FAM178B: variants seen among roughly 807,000 people sequenced by gnomAD.
The protein encoded by FAM178B is family with sequence similarity 178 member B.
In FAM178B, 82 loss-of-function variants were observed where a neutral mutation model predicts 91.7. The observed-to-expected ratio is 0.89, with a 90% CI of 0.75 to 1.07. The LOEUF (loss-of-function observed/expected upper bound fraction) is 1.07. Among genes scored for constraint, FAM178B ranks in the 50% least tolerant of loss-of-function variants. The pLI, the probability that FAM178B is intolerant of heterozygous loss-of-function variation, is 0.00. For missense variants in FAM178B, 769 were observed against 846.7 expected (o/e 0.91, Z 1.14); for synonymous variants, 368 against 359.4 (o/e 1.02, Z -0.27).
At chr2:96,976,111 TTGA>T (rs1159035025) in intron 1 of FAM178B, among the ~76,000 whole-genome samples, 1 of 151,914 alleles carries the variant, frequency 6.6e-6, no homozygotes, top group Non-Finnish European at 1.5e-5. Context: ...TTTTTTTTTT[TTGA>T]GAGAGAGTGT....
intron 14 of FAM178B, among the ~76,000 whole-genome samples, chr2:96,891,595 G>C (rs1359031443): frequency 6.6e-6 from 1 of 152,206 alleles, no homozygotes; most frequent in Non-Finnish European, 1.5e-5. Context: ...CTGGACAGGG[G>C]GCAAGCAAAG....
At chr2:96,943,582 A>C (rs1465599398) in intron 8 of FAM178B, among the ~76,000 whole-genome samples, 1 of 152,326 alleles carries the variant, frequency 6.6e-6, no homozygotes, top group East Asian at 1.9e-4. Flanking sequence ...TGAATCTTAC[A>C]TTTTAAAAGG....
At chr2:96,897,119 G>A (rs1368441070) in intron 13 of FAM178B, among the ~76,000 whole-genome samples, 3 of 152,102 alleles carry the variant, frequency 2.0e-5, no homozygotes, top group Non-Finnish European at 2.9e-5. Flanking sequence ...CACCCACCTT[G>A]GCCTCCCAAA....
rs149951378 is a variant in FAM178B, at chr2:96,951,703, G to A, written c.888-219C>T. 1,532 of 524,406 alleles carry A rather than the reference G, an allele frequency of 2.9e-3. 8 individuals carry two copies. Among genetic ancestry groups the A allele is most frequent in the East Asian group, 0.02 (573 of 29,224 alleles). 32.5% of individuals were successfully genotyped at this position (524,406 alleles called of 1,614,324 possible). A position where few individuals can be genotyped will look rare whatever the true frequency, so the allele number is the denominator to read the frequency against. On this transcript the variant is annotated intron_variant, in intron 6 of 16. Coordinates refer to ENST00000490605, the MANE Select transcript of FAM178B (RefSeq NM_001122646.3). ...ATCACCTGCTCTTCTTGAATGTTGC[G>A]TGAACACACCTCATGGTGTTTAAAA...
At chr2:96,895,656 G>T (rs976593158) in intron 13 of FAM178B, among the ~76,000 whole-genome samples, 1 of 152,226 alleles carries the variant, frequency 6.6e-6, no homozygotes, top group African/African-American at 2.4e-5. Flanking sequence ...CAGCAGCCCT[G>T]GGGGCAGGGC....
At chr2:96,902,514 T>C (rs1414980531) in intron 13 of FAM178B, 106 bp downstream of exon 13, 8 of 769,472 alleles carry the variant, frequency 1.0e-5, no homozygotes, top group Non-Finnish European at 1.6e-5. Flanking sequence ...GAGTAGAGAG[T>C]TCAGAGCCAG....
At chr2:96,938,890 G>C (rs2081677084) in intron 8 of FAM178B, 1 of 152,386 alleles carries the variant, frequency 6.6e-6, no homozygotes, top group Non-Finnish European at 1.5e-5. Flanking sequence ...GTCCATAACA[G>C]AGAGGAAGAG....
rs1471401110 is a variant in FAM178B at position 96,876,417 on chromosome 2, G to C, written c.2008-109C>G. 7 of 1,377,924 alleles carry C rather than the reference G, an allele frequency of 5.1e-6. No homozygotes were observed. In the Admixed American group the frequency reaches 1.4e-4, roughly 28 times the overall value. The allele number at this position is 1,377,924 out of a possible 1,614,324, so 85.4% of individuals were successfully genotyped here. A position where few individuals can be genotyped will look rare whatever the true frequency, so the allele number is the denominator to read the frequency against. ...CATTCAGCACCCATCGCAGGCTCAT[G>C]CCAGGGGCCGAGTGAGCAGGATGCC... is the stretch of plus-strand genomic sequence containing the variant. On this transcript the variant is annotated intron_variant, in intron 16 of 16. Transcript: ENST00000490605.
At chr2:96,948,184 C>T (rs1356923974) in intron 7 of FAM178B, among the ~76,000 whole-genome samples, 2 of 152,246 alleles carry the variant, frequency 1.3e-5, no homozygotes, top group East Asian at 3.9e-4. Context: ...ACTCCGTCCA[C>T]CTCCTGGCAT....
intron 8 of FAM178B, among the ~76,000 whole-genome samples, chr2:96,942,057 C>T (rs930139585): frequency 2.0e-4 from 30 of 152,306 alleles, no homozygotes; most frequent in African/African-American, 7.0e-4. Context: ...TATTTCTACA[C>T]ATGAGCAATG....
intron 8 of FAM178B, among the ~76,000 whole-genome samples, chr2:96,929,795 G>T (rs1319742845): frequency 6.6e-6 from 1 of 152,234 alleles, no homozygotes; most frequent in Non-Finnish European, 1.5e-5. Flanking sequence ...GGCATCCCTA[G>T]TCCACCATCC....
chr2:96,892,854 A>G (rs1316542895), intron 14 of FAM178B, among the ~76,000 whole-genome samples: 1 of 152,138 alleles, frequency 6.6e-6, no homozygotes, highest in Non-Finnish European at 1.5e-5. Context: ...TAACCAGCCC[A>G]TAACCAGCTC....
At chr2:96,915,078 C>T (rs555662222) in intron 12 of FAM178B, among the ~76,000 whole-genome samples, 5 of 151,806 alleles carry the variant, frequency 3.3e-5, no homozygotes, top group African/African-American at 7.3e-5. Context: ...AGCCTCTCAA[C>T]GTTTGTATAT....
intron 9 of FAM178B, among the ~76,000 whole-genome samples, chr2:96,928,042 G>A (rs1574262349): frequency 6.6e-6 from 1 of 152,322 alleles, no homozygotes; most frequent in Middle Eastern, 3.4e-3. Flanking sequence ...ACATGTGTGG[G>A]GTATTTATAG....
In FAM178B at chr2:96,875,994, C is replaced by CA; in HGVS notation, c.*281dup. ...CCCAGGGAAACCAGAGCTATGGAGACAGAGGCCTTAGGGAAGAGGAGATGG... is the reference window on the plus strand; with the variant it reads ...CCCAGGGAAACCAGAGCTATGGAGACAAGAGGCCTTAGGGAAGAGGAGATGG... On this transcript the variant is annotated 3_prime_UTR_variant, in exon 17 of 17. Transcript: ENST00000490605. 2.0e-6 allele frequency: 1 copy of CA among 499,268 alleles called. No homozygotes were observed. 30.9% of individuals were successfully genotyped at this position (499,268 alleles called of 1,614,324 possible).
At chr2:96,885,686 C>T (rs1487738384) in intron 14 of FAM178B, among the ~76,000 whole-genome samples, 1 of 152,210 alleles carries the variant, frequency 6.6e-6, no homozygotes, top group African/African-American at 2.4e-5. Context: ...CCCAGTCCAC[C>T]TTCCTCTCTG....
intron 6 of FAM178B, among the ~76,000 whole-genome samples, chr2:96,959,294 C>T (rs1424921785): frequency 2.0e-5 from 3 of 150,990 alleles, no homozygotes; most frequent in African/African-American, 4.9e-5. Context: ...TGAGTTGATC[C>T]TTGCTGAAAG....
chr2:96,978,021 G>A, intron 1 of FAM178B: 1 of 403,610 alleles, frequency 2.5e-6, no homozygotes, highest in Admixed American at 3.0e-5. Flanking sequence ...ATTGCTAACG[G>A]AAAAAAAATG....
intron 5 of FAM178B, among the ~76,000 whole-genome samples, chr2:96,962,461 GA>G (rs1553508560): frequency 4.2e-5 from 5 of 118,278 alleles, no homozygotes; most frequent in Non-Finnish European, 7.3e-5. Context: ...AAGAAAGAAA[GA>G]AAAAAAAGCC....
Sources: gnomAD v4.1 joint callset for allele counts (sites outside exome capture counted in the v4.1 genomes callset) on GRCh38, gnomAD v4.1.1 for gene constraint, MANE v1.5 for transcripts, NCBI Gene and HGNC (gene_info 2026-07-23, HGNC 2026-07-21) for gene names.